Variants in ITPR2 observed in about 807,000 individuals in gnomAD.
ITPR2 encodes inositol 1,4,5-trisphosphate receptor type 2, also known as inositol 1,4,5-trisphosphate-gated calcium channel ITPR2.
ITPR2 carries 207 observed loss-of-function variants against 317.1 expected under a neutral mutation model. That is an observed-to-expected ratio of 0.65 (90% CI 0.58 to 0.73). ITPR2 has a LOEUF of 0.73. ITPR2 is among the 30% of genes least tolerant of loss of function. The pLI is 0.00. For missense variants in ITPR2, 2,613 were observed against 3,284.0 expected (o/e 0.80, Z 4.99); for synonymous variants, 1,156 against 1,149.1 (o/e 1.01, Z -0.12).
chr12:26,692,335 T>C (rs1948256840), intron 10 of ITPR2, among the ~76,000 whole-genome samples: 1 of 152,176 alleles, frequency 6.6e-6, no homozygotes, highest in Non-Finnish European at 1.5e-5. Context: ...GTAGAGGGTG[T>C]GGATGCTGCT....
Position 26,411,345 on chromosome 12 carries a change from T to A in ITPR2, c.7374A>T (p.Ser2458=). 1.2e-6 allele frequency: 2 copies of A among 1,613,504 alleles called. No homozygotes were observed. Among genetic ancestry groups the A allele is most frequent in the Non-Finnish European group, 1.7e-6 (2 of 1,179,576 alleles). ...MMEACAKENC[S]PTIPASNTAD... is the part of the protein sequence containing the mutation. ...CTGTATTTGAAGCTGGAATTGTGGG[T>A]GAACAGTTCTCCTTGGCACATGCTT... Residue 2458 remains serine, a synonymous_variant, in exon 52 of 57, where the codon TCA becomes TCT. Transcript: ENST00000381340.
At chr12:26,359,654 G>T (rs1001981929) in intron 55 of ITPR2, among the ~76,000 whole-genome samples, 3 of 152,146 alleles carry the variant, frequency 2.0e-5, no homozygotes, top group Non-Finnish European at 2.9e-5. Context: ...AGATGGCAGG[G>T]GGTCAGGGTG....
At chr12:26,640,225 G>A (rs1946954113) in intron 21 of ITPR2, among the ~76,000 whole-genome samples, 1 of 152,106 alleles carries the variant, frequency 6.6e-6, no homozygotes, top group African/African-American at 2.4e-5. Flanking sequence ...CTCATTATTT[G>A]TAAAGTCATT....
intron 45 of ITPR2, among the ~76,000 whole-genome samples, chr12:26,473,603 C>A (rs1942345207): frequency 6.6e-6 from 1 of 152,204 alleles, no homozygotes; most frequent in African/African-American, 2.4e-5. Context: ...TCTTCCTTGC[C>A]TTCTTCCCTC....
chr12:26,831,546 C>T lies in ITPR2; in HGVS notation c.92+1144G>A, dbSNP rs559193859. Among the ~76,000 whole-genome samples the T allele has an allele frequency of 6.6e-6, 1 of 152,016 alleles. No individual in the cohort carries two copies. Among genetic ancestry groups the T allele is most frequent in the South Asian group, 2.1e-4 (1 of 4,818 alleles). On this transcript the variant is annotated intron_variant, in intron 1 of 56. Coordinates refer to ENST00000381340, the MANE Select transcript of ITPR2 (RefSeq NM_002223.4). The surrounding 1 kb of genome is among the most constrained non-coding windows in gnomAD (Gnocchi z 4.9). ...CGGGGGGACCTAAGTGTTGAAACAA[C>T]GAGGTAACAAAAAATTTCCTGTGCA...
chr12:26,591,612 T>G (rs940213153), intron 32 of ITPR2, among the ~76,000 whole-genome samples: 2 of 151,836 alleles, frequency 1.3e-5, no homozygotes, highest in Non-Finnish European at 2.9e-5. Flanking sequence ...GGTGGATCAC[T>G]TGAGGTCAGG....
chr12:26,627,433 C>T (rs1336028563), intron 23 of ITPR2: 1 of 152,226 alleles, frequency 6.6e-6, no homozygotes, highest in Non-Finnish European at 1.5e-5. Flanking sequence ...CCTTTCTGAC[C>T]TTGGTTTTCT....
chr12:26,370,320 C>T lies in ITPR2; in HGVS notation c.7857+17114G>A, dbSNP rs117334918. 3.8e-3 allele frequency among the ~76,000 whole-genome samples: 577 copies of T among 152,094 alleles called. 25 individuals are homozygous for T. In the East Asian group the frequency reaches 0.09, roughly 24 times the overall value. On this transcript the variant is annotated intron_variant, in intron 55 of 56. Coordinates refer to ENST00000381340, the MANE Select transcript of ITPR2 (RefSeq NM_002223.4). ...CTGTGCTGACTCTGGGTGGTTAGCC[C>T]GGGAATTATACTGCAGTATGTTACC...
chr12:26,717,686 A>T (rs978055200), intron 5 of ITPR2, among the ~76,000 whole-genome samples: 3 of 152,216 alleles, frequency 2.0e-5, no homozygotes, highest in African/African-American at 4.8e-5. Flanking sequence ...GAATAGGAGG[A>T]TCTGCATAAA....
intron 5 of ITPR2, among the ~76,000 whole-genome samples, chr12:26,717,441 CCAAA>C (rs1333385039): frequency 2.0e-5 from 3 of 152,322 alleles, no homozygotes; most frequent in East Asian, 3.9e-4. Context: ...AGCTCACCAA[CCAAA>C]CAAAGAAAGG....
intron 2 of ITPR2, among the ~76,000 whole-genome samples, chr12:26,756,516 T>A (rs558567551): frequency 2.0e-5 from 3 of 152,222 alleles, no homozygotes; most frequent in Admixed American, 6.5e-5. Context: ...TGTAGTCTTT[T>A]TGTAGAAATG....
At chr12:26,343,879 C>T (rs1938216737) in intron 55 of ITPR2, among the ~76,000 whole-genome samples, 2 of 152,066 alleles carry the variant, frequency 1.3e-5, no homozygotes, top group Non-Finnish European at 1.5e-5. Context: ...CACCAAGGGG[C>T]TAAAGGAGAA....
intron 5 of ITPR2, among the ~76,000 whole-genome samples, chr12:26,721,633 G>A (rs907816511): frequency 3.9e-5 from 6 of 151,950 alleles, no homozygotes. Context: ...GGACTATCAC[G>A]CAGTATTTTA....
At chr12:26,564,583 G>A (rs1944899436) in intron 34 of ITPR2, among the ~76,000 whole-genome samples, 1 of 152,190 alleles carries the variant, frequency 6.6e-6, no homozygotes, top group Non-Finnish European at 1.5e-5. Context: ...CTGAATCATG[G>A]TGGGCCCCAA....
intron 51 of ITPR2, among the ~76,000 whole-genome samples, chr12:26,412,752 A>AG (rs1940590216): frequency 6.6e-6 from 1 of 152,190 alleles, no homozygotes; most frequent in South Asian, 2.1e-4. Context: ...AAGGTAAGGC[A>AG]GGGAGCAAAG....
At chr12:26,426,559 T>C (rs1023466317) in intron 49 of ITPR2, among the ~76,000 whole-genome samples, 3 of 152,154 alleles carry the variant, frequency 2.0e-5, no homozygotes, top group East Asian at 1.9e-4. Context: ...ATAATATATT[T>C]GGTATTTTAC....
chr12:26,743,815 C>T (rs541926519), intron 2 of ITPR2, among the ~76,000 whole-genome samples: 2 of 152,096 alleles, frequency 1.3e-5, no homozygotes, highest in East Asian at 1.9e-4. Flanking sequence ...CACTTGAACC[C>T]GGGAGGCGGA....
At chr12:26,341,785 C>G (rs141802591) in intron 55 of ITPR2, among the ~76,000 whole-genome samples, 216 of 152,312 alleles carry the variant, frequency 1.4e-3, no homozygotes, top group African/African-American at 5.0e-3. Flanking sequence ...GAGCTTATGG[C>G]TCAGGACAGC....
chr12:26,550,230 G>A lies in ITPR2; in HGVS notation c.5073+17C>T. ...TCCTACTTTATTTTTAAATAATAAAGTTTTTTAAAAAAATACCTCTTCCAC... is the reference window on the plus strand; with the variant it reads ...TCCTACTTTATTTTTAAATAATAAAATTTTTTAAAAAAATACCTCTTCCAC... On this transcript the variant is annotated intron_variant, in intron 37 of 56. Transcript: ENST00000381340. 9.0e-7 allele frequency: 1 copy of A among 1,112,652 alleles called. No homozygotes were observed. The highest frequency in any genetic ancestry group is 1.3e-6 in the Non-Finnish European group (1 of 762,966). The allele number at this position is 1,112,652 out of a possible 1,614,324, so 68.9% of individuals were successfully genotyped here.
Sources: allele counts gnomAD v4.1 joint callset (sites outside exome capture counted in the v4.1 genomes callset), GRCh38; gene constraint gnomAD v4.1.1; non-coding constraint Gnocchi (gnomAD v3.1); transcripts MANE v1.5; gene names NCBI Gene and HGNC (gene_info 2026-07-23, HGNC 2026-07-21).